MMP16: variants seen among roughly 807,000 people sequenced by gnomAD.
MMP16 encodes the protein matrix metallopeptidase 16.
A neutral mutation model predicts 67.8 loss-of-function variants in MMP16; 12 were observed. The ratio of observed to expected loss-of-function variants is 0.18; its 90% CI spans 0.11 to 0.29. MMP16 has a LOEUF of 0.29. Ranked by LOEUF, MMP16 falls within the 10% of genes least tolerant of loss-of-function variation. The pLI is 1.00. For synonymous variants in MMP16, 249 were observed against 255.9 expected, an observed-to-expected ratio of 0.97 and a Z score of 0.26; for missense variants, 475 against 765.7, an observed-to-expected ratio of 0.62 and a Z score of 4.48.
At chr8:88,219,611 G>A (rs1809646344) in intron 1 of MMP16, among the ~76,000 whole-genome samples, 1 of 152,078 alleles carries the variant, frequency 6.6e-6, no homozygotes, top group African/African-American at 2.4e-5. Context: ...TCAGCTATGA[G>A]ACCAACAGCC....
At chr8:88,073,615 A>G (rs948921564) in intron 7 of MMP16, among the ~76,000 whole-genome samples, 2 of 152,104 alleles carry the variant, frequency 1.3e-5, no homozygotes, top group African/African-American at 4.8e-5. Flanking sequence ...CCAGGTATAT[A>G]CTTTCATTTG....
At chr8:88,081,708 T>C (rs1244942366) in intron 6 of MMP16, among the ~76,000 whole-genome samples, 1 of 152,150 alleles carries the variant, frequency 6.6e-6, no homozygotes, top group Non-Finnish European at 1.5e-5. Context: ...AACAATAAAA[T>C]ATATTTAATA....
Position 88,165,193 on chromosome 8 carries a change from AAAAAAAG to A in MMP16, c.709+2469_709+2475del, listed in dbSNP as rs1168685413. Among the ~76,000 whole-genome samples the A allele has an allele frequency of 2.0e-5, 3 of 151,068 alleles. No homozygotes were observed. In the Admixed American group the frequency reaches 2.0e-4, roughly 10 times the overall value. ...ACCCCATCTCTAAAAAAAAAAAAAAAAAAAAAGAAAGAAAGAAAAAACCCAGCTAATA... is the reference window on the plus strand; with the variant it reads ...ACCCCATCTCTAAAAAAAAAAAAAAAAAAGAAAGAAAAAACCCAGCTAATA... On this transcript the variant is annotated intron_variant, in intron 4 of 9. Transcript: ENST00000286614.
At chr8:88,125,068 C>T (rs989142844) in intron 4 of MMP16, among the ~76,000 whole-genome samples, 2 of 151,708 alleles carry the variant, frequency 1.3e-5, no homozygotes, top group Non-Finnish European at 2.9e-5. Flanking sequence ...GTGGCTTTAA[C>T]CACAAAATTT....
At chr8:88,204,726 G>C (rs1203727310) in intron 1 of MMP16, among the ~76,000 whole-genome samples, 1 of 151,858 alleles carries the variant, frequency 6.6e-6, no homozygotes, top group Non-Finnish European at 1.5e-5. Flanking sequence ...AGATCATAAA[G>C]CTGATAGAAA....
At chr8:88,235,679 C>G (rs1449270081) in intron 1 of MMP16, among the ~76,000 whole-genome samples, 2 of 152,052 alleles carry the variant, frequency 1.3e-5, no homozygotes, top group African/African-American at 4.8e-5. Flanking sequence ...GCTTGCATAG[C>G]TCTTTCGGAG....
intron 1 of MMP16, among the ~76,000 whole-genome samples, chr8:88,289,236 T>C (rs528406183): frequency 2.0e-4 from 31 of 152,080 alleles, no homozygotes; most frequent in Admixed American, 3.9e-4. Flanking sequence ...AACTGCAGAG[T>C]AAAAAGATTA....
At chr8:88,160,683 T>C (rs1344538029) in intron 4 of MMP16, among the ~76,000 whole-genome samples, 1 of 152,044 alleles carries the variant, frequency 6.6e-6, no homozygotes, top group African/African-American at 2.4e-5. Context: ...ACACTGTTGG[T>C]GGGACTATAA....
chr8:88,174,864 C>G (rs139499175), intron 3 of MMP16, among the ~76,000 whole-genome samples: 349 of 151,892 alleles, frequency 2.3e-3, no homozygotes, highest in African/African-American at 8.1e-3. Context: ...AAGCAATTCT[C>G]CTGCCTAGCC....
intron 4 of MMP16, among the ~76,000 whole-genome samples, chr8:88,163,285 G>A (rs1808660473): frequency 6.6e-6 from 1 of 151,948 alleles, no homozygotes; most frequent in Admixed American, 6.6e-5. Flanking sequence ...GGAATGAGTG[G>A]GTTTGGATGC....
intron 1 of MMP16, among the ~76,000 whole-genome samples, chr8:88,265,859 G>T (rs909987324): frequency 1.3e-5 from 2 of 151,752 alleles, no homozygotes; most frequent in South Asian, 4.2e-4. Context: ...GTAGGTGAAA[G>T]CAAATCTACA....
chr8:88,320,510 C>T (rs960109777), intron 1 of MMP16, among the ~76,000 whole-genome samples: 8 of 152,100 alleles, frequency 5.3e-5, no homozygotes, highest in Admixed American at 4.6e-4. Context: ...TGTTATACTG[C>T]CATGCCCAGA....
At position 88,223,443 on chromosome 8, in the gene MMP16, A is replaced by C. The variant is rs376562228; in HGVS notation, c.133-26137T>G. Reference sequence around the variant, plus strand: ...CAATAGCAAAGACTTGGAACCAACCAAAATGTCCATCAATGATAGACTGGA... The same window carrying C: ...CAATAGCAAAGACTTGGAACCAACCCAAATGTCCATCAATGATAGACTGGA... On this transcript the variant is annotated intron_variant, in intron 1 of 9. Transcript: ENST00000286614. 2.7e-3 allele frequency among the ~76,000 whole-genome samples: 409 copies of C among 152,082 alleles called. 5 individuals carry two copies. In the Middle Eastern group the frequency reaches 0.048, roughly 18 times the overall value.
At chr8:88,197,122 G>T in intron 2 of MMP16, 36 bp downstream of exon 2, 1 of 1,596,126 alleles carries the variant, frequency 6.3e-7, no homozygotes, top group South Asian at 1.1e-5. Context: ...TTGGCTCAAG[G>T]ACCAAAAAGA....
intron 1 of MMP16, among the ~76,000 whole-genome samples, chr8:88,279,180 C>A (rs527262504): frequency 6.6e-6 from 1 of 151,148 alleles, no homozygotes; most frequent in South Asian, 2.1e-4. Flanking sequence ...CAAGATTGCA[C>A]CACTGCACTC....
At chr8:88,219,022 AAT>A (rs1809637439) in intron 1 of MMP16, among the ~76,000 whole-genome samples, 1 of 152,062 alleles carries the variant, frequency 6.6e-6, no homozygotes, top group Admixed American at 6.6e-5. Flanking sequence ...AAAAGACATA[AAT>A]ATCTCGGGCC....
In MMP16 at chr8:88,197,239, T is replaced by A; in HGVS notation, c.200A>T (p.Glu67Val). Residue 67 changes from glutamate (E) to valine (V), a missense_variant, in exon 2 of 10, where the codon GAG (glutamate) becomes GTG (valine). Physicochemically the swap from Glu to Val is moderately radical, Grantham distance 121 (BLOSUM62 -2). Coordinates refer to ENST00000286614, the MANE Select transcript of MMP16 (RefSeq NM_005941.5). ...GGCAGCTAGGGCAGACTGCATGGTCTCTGCAGAGCGCAGCACTGACATTCT... is the reference window on the plus strand; with the variant it reads ...GGCAGCTAGGGCAGACTGCATGGTCACTGCAGAGCGCAGCACTGACATTCT... ...DPRMSVLRSA[E>V]TMQSALAAMQ... 6.2e-7 allele frequency: 1 copy of A among 1,611,700 alleles called. No individual in the cohort carries two copies. The highest frequency in any genetic ancestry group is 8.5e-7 in the Non-Finnish European group (1 of 1,179,288).
At position 88,036,529 on chromosome 8, in the gene MMP16, A is replaced by T. The variant is rs1808056472; in HGVS notation, c.*4932T>A. On this transcript the variant is annotated 3_prime_UTR_variant, in exon 10 of 10. Transcript: ENST00000286614. ...AATTTTTAAGATATAACTGTTAAAA[A>T]TTTTCTGATGTAGTTATGATTCCCT... is the stretch of plus-strand genomic sequence containing the variant. 6.6e-6 allele frequency: 1 copy of T among 151,786 alleles called. No homozygotes were observed. Among genetic ancestry groups the T allele is most frequent in the Non-Finnish European group, 1.5e-5 (1 of 67,824 alleles). The allele number at this position is 151,786 out of a possible 1,614,324, so 9.4% of individuals were successfully genotyped here.
At position 88,035,366 on chromosome 8, in the gene MMP16, G is replaced by A. The variant is rs760214354; in HGVS notation, c.*6095C>T. On this transcript the variant is annotated 3_prime_UTR_variant, in exon 10 of 10. Coordinates refer to ENST00000286614, the MANE Select transcript of MMP16 (RefSeq NM_005941.5). This position sits in a 1 kb window ranked among gnomAD's most constrained non-coding sequence, Gnocchi z 4.7. ...TGTTCAATGTGCCCTTTAATGTGAG[G>A]ACACGCTGAGTGCACATTTGAATAT... The A allele has an allele frequency of 6.6e-6, 1 of 152,034 alleles. No individual in the cohort carries two copies. Among genetic ancestry groups the A allele is most frequent in the Non-Finnish European group, 1.5e-5 (1 of 67,952 alleles). 9.4% of individuals were successfully genotyped at this position (152,034 alleles called of 1,614,324 possible).
Sources: allele counts gnomAD v4.1 joint callset (sites outside exome capture counted in the v4.1 genomes callset), GRCh38; gene constraint gnomAD v4.1.1; non-coding constraint Gnocchi (gnomAD v3.1); transcripts MANE v1.5; gene names NCBI Gene and HGNC (gene_info 2026-07-23, HGNC 2026-07-21).